FIRRM: variants seen among roughly 807,000 people sequenced by gnomAD.
The protein encoded by FIRRM is FIGNL1-interacting regulator of recombination and mitosis.
At chr1:169,836,649 C>T in the FIRRM span, among the ~76,000 whole-genome samples, 2 of 152,256 alleles carry the variant, frequency 1.3e-5, 1 homozygote, top group South Asian at 4.1e-4. Context: ...GATAAGATAT[C>T]TGACATAACT....
the FIRRM span, among the ~76,000 whole-genome samples, chr1:169,831,701 A>G: frequency 6.6e-6 from 1 of 152,240 alleles, no homozygotes; most frequent in African/African-American, 2.4e-5. Context: ...GGATGGAATG[A>G]TACTATATTA....
chr1:169,795,638 C>T, the FIRRM span: 1 of 993,324 alleles, frequency 1.0e-6, no homozygotes, highest in Non-Finnish European at 1.2e-6. Flanking sequence ...GAGCTTTTGT[C>T]TCCCGTAAAA....
chr1:169,799,296 G>A, the FIRRM span, among the ~76,000 whole-genome samples: 8 of 152,176 alleles, frequency 5.3e-5, no homozygotes, highest in South Asian at 6.2e-4. Context: ...AACATGTTTA[G>A]TGTCATTTAG....
the FIRRM span, among the ~76,000 whole-genome samples, chr1:169,816,054 T>C: frequency 6.6e-6 from 1 of 152,206 alleles, no homozygotes; most frequent in Admixed American, 6.5e-5. Context: ...TTAGTAAGTG[T>C]TCGATTTAAT....
At chr1:169,818,398 AC>A in the FIRRM span, among the ~76,000 whole-genome samples, 2 of 152,204 alleles carry the variant, frequency 1.3e-5, no homozygotes, top group African/African-American at 4.8e-5. Flanking sequence ...GCAGTTTATG[AC>A]CTTAAAGCAT....
the FIRRM span, chr1:169,795,154 A>T: frequency 7.8e-6 from 12 of 1,535,982 alleles, no homozygotes; most frequent in Non-Finnish European, 1.7e-6. Flanking sequence ...GGAAGAATTA[A>T]GTAGCTGGCC....
At chr1:169,801,834 T>A in the FIRRM span, among the ~76,000 whole-genome samples, 1 of 152,242 alleles carries the variant, frequency 6.6e-6, no homozygotes, top group Non-Finnish European at 1.5e-5. Context: ...TAACTTTAGC[T>A]TTGAATCGTA....
At chr1:169,790,470 G>A in the FIRRM span, among the ~76,000 whole-genome samples, 2 of 152,130 alleles carry the variant, frequency 1.3e-5, no homozygotes, top group Admixed American at 6.5e-5. Context: ...ACAGGTGTGA[G>A]CCACCATGCC....
chr1:169,793,273 G>A, the FIRRM span: 2 of 1,614,080 alleles, frequency 1.2e-6, no homozygotes, highest in Non-Finnish European at 8.5e-7. Flanking sequence ...TTTCTCCAGG[G>A]AAGTTCTCTT....
At chr1:169,822,701 T>C in the FIRRM span, among the ~76,000 whole-genome samples, 3 of 152,136 alleles carry the variant, frequency 2.0e-5, no homozygotes, top group East Asian at 3.9e-4. Context: ...GGTTTCACCA[T>C]GTTGGTCAGT....
chr1:169,850,948 A>C, the FIRRM span: 1 of 123,570 alleles, frequency 8.1e-6, no homozygotes, highest in Non-Finnish European at 1.6e-5. Context: ...GAGGATGTTT[A>C]CTACCATATT....
chr1:169,793,553 C>A, the FIRRM span: 2 of 1,614,188 alleles, frequency 1.2e-6, no homozygotes, highest in South Asian at 1.1e-5. Context: ...TTCTGCAGAA[C>A]ATTTTCTGTC....
chr1:169,826,731 TTTTGA>T, the FIRRM span, among the ~76,000 whole-genome samples: 21 of 152,320 alleles, frequency 1.4e-4, no homozygotes, highest in Non-Finnish European at 2.6e-4. Flanking sequence ...ATATTTTTAC[TTTTGA>T]TTTAAGATTT....
chr1:169,807,449 A>G, the FIRRM span, among the ~76,000 whole-genome samples: 1 of 152,214 alleles, frequency 6.6e-6, no homozygotes, highest in Admixed American at 6.5e-5. Flanking sequence ...AATTATTCTT[A>G]AAATTATTTA....
chr1:169,807,682 C>T, the FIRRM span: 1 of 995,578 alleles, frequency 1.0e-6, no homozygotes, highest in African/African-American at 1.7e-5. Context: ...ATATATGATG[C>T]TTTTTGATTG....
chr1:169,812,568 A>G, the FIRRM span, among the ~76,000 whole-genome samples: 8 of 152,128 alleles, frequency 5.3e-5, no homozygotes, highest in East Asian at 1.5e-3. Flanking sequence ...CTTCAAAATA[A>G]TCGAAAAGGC....
chr1:169,843,691 T>C, the FIRRM span: 97 of 1,612,652 alleles, frequency 6.0e-5, no homozygotes, highest in Non-Finnish European at 7.9e-5. Context: ...ATCAACCTTA[T>C]GTTCAACAGA....
the FIRRM span, among the ~76,000 whole-genome samples, chr1:169,810,835 T>A: frequency 5.7e-5 from 1 of 17,408 alleles, no homozygotes; most frequent in East Asian, 7.5e-4. Context: ...TAGCCCCCAA[T>A]TTTTTTTTTT....
chr1:169,786,610 A>G, the FIRRM span, among the ~76,000 whole-genome samples: 1 of 152,140 alleles, frequency 6.6e-6, no homozygotes. Context: ...TTTTCATGCA[A>G]TTTAAAATAA....
Sources: gnomAD v4.1 joint callset for allele counts (sites outside exome capture counted in the v4.1 genomes callset) on GRCh38, gnomAD v4.1.1 for gene constraint, MANE v1.5 for transcripts, NCBI Gene and HGNC (gene_info 2026-07-23, HGNC 2026-07-21) for gene names.